RGS6: variants seen among roughly 807,000 people sequenced by gnomAD.
RGS6 encodes regulator of G-protein signaling 6.
RGS6 carries 30 observed loss-of-function variants against 78.5 expected under a neutral mutation model. That is an observed-to-expected ratio of 0.38 (90% CI 0.29 to 0.52). The LOEUF is 0.52. Ranked by LOEUF, RGS6 falls within the 20% of genes least tolerant of loss-of-function variation. RGS6 has a pLI of 0.85. For synonymous variants in RGS6, 206 were observed against 206.0 expected, an observed-to-expected ratio of 1.00 and a Z score of 0.00; for missense variants, 495 against 609.7, an observed-to-expected ratio of 0.81 and a Z score of 1.98.
chr14:72,131,755 G>T (rs946189248), intron 2 of RGS6, among the ~76,000 whole-genome samples: 1 of 152,182 alleles, frequency 6.6e-6, no homozygotes, highest in Non-Finnish European at 1.5e-5. Context: ...AAAGGTTGAA[G>T]CATTCCCTTC....
chr14:72,102,584 A>C (rs2095549827), intron 2 of RGS6, among the ~76,000 whole-genome samples: 1 of 152,194 alleles, frequency 6.6e-6, no homozygotes, highest in African/African-American at 2.4e-5. Context: ...ACTCAAGGGC[A>C]TGTAGCTGCT....
At chr14:72,569,368 A>C (rs1269852297), downstream of RGS6, among the ~76,000 whole-genome samples, 1 of 151,874 alleles carries the variant, frequency 6.6e-6, no homozygotes, top group Non-Finnish European at 1.5e-5. Context: ...CTGACCCTGT[A>C]GTTTTGCCTT....
chr14:72,119,758 C>T (rs2096001651), intron 2 of RGS6, among the ~76,000 whole-genome samples: 1 of 152,132 alleles, frequency 6.6e-6, no homozygotes, highest in Non-Finnish European at 1.5e-5. Context: ...GCACAAGGAG[C>T]TCTGATGTGA....
At chr14:72,612,650 G>A in the RGS6 span, 169 of 517,632 alleles carry the variant, frequency 3.3e-4, no homozygotes, top group Admixed American at 1.9e-4. Flanking sequence ...GACATGGAAG[G>A]GCAAACCAAG....
At chr14:71,982,320 T>G (rs969941429) in intron 2 of RGS6, among the ~76,000 whole-genome samples, 1 of 152,178 alleles carries the variant, frequency 6.6e-6, no homozygotes, top group African/African-American at 2.4e-5. Flanking sequence ...CCTCCTTCTG[T>G]TTATTTTTTA....
chr14:71,995,661 C>G (rs943048833), intron 2 of RGS6, among the ~76,000 whole-genome samples: 5 of 152,184 alleles, frequency 3.3e-5, no homozygotes, highest in African/African-American at 1.2e-4. Context: ...TGGAACCTGA[C>G]ACGTAGCAGG....
intron 2 of RGS6, among the ~76,000 whole-genome samples, chr14:72,309,408 A>C (rs1445787002): frequency 6.6e-6 from 1 of 152,238 alleles, no homozygotes; most frequent in Non-Finnish European, 1.5e-5. Context: ...TTAAATGTCC[A>C]TTTAATGCAT....
At chr14:72,511,047 G>T (rs2153448513) in intron 14 of RGS6, among the ~76,000 whole-genome samples, 1 of 152,278 alleles carries the variant, frequency 6.6e-6, no homozygotes, top group South Asian at 2.1e-4. Flanking sequence ...TTGGGAACTT[G>T]TTTATTTAGA....
intron 2 of RGS6, among the ~76,000 whole-genome samples, chr14:72,337,603 G>A (rs115986988): frequency 0.011 from 1,628 of 152,234 alleles, 25 homozygotes; most frequent in African/African-American, 0.038. Context: ...ACAGCCACAG[G>A]CCATCTCCCT....
At position 72,154,542 on chromosome 14, in the gene RGS6, A is replaced by C. The variant is rs181343923; in HGVS notation, c.84+189667A>C. On this transcript the variant is annotated intron_variant, in intron 2 of 17. Transcript: ENST00000553525. The stretch of plus-strand genomic sequence containing the variant: ...CCCTGACTTCCAACAGCTGGGGACC[A>C]CTTAATCAGGGTAAGGGCAGTAGTT... Among the ~76,000 whole-genome samples the C allele has an allele frequency of 1.8e-4, 28 of 152,276 alleles. No homozygotes were observed. In the East Asian group the frequency reaches 5.4e-3, roughly 29 times the overall value.
the RGS6 span, among the ~76,000 whole-genome samples, chr14:72,588,150 G>A: frequency 6.6e-6 from 1 of 152,156 alleles, no homozygotes; most frequent in Admixed American, 6.5e-5. Context: ...ATAATATTGG[G>A]ACGAGCTCTC....
At chr14:72,497,760 A>G (rs2096664041) in intron 13 of RGS6, among the ~76,000 whole-genome samples, 1 of 152,088 alleles carries the variant, frequency 6.6e-6, no homozygotes, top group Non-Finnish European at 1.5e-5. Flanking sequence ...CTTCTTTCTA[A>G]TATTTCTGAT....
chr14:72,079,500 A>G (rs1300866224), intron 2 of RGS6, among the ~76,000 whole-genome samples: 1 of 152,224 alleles, frequency 6.6e-6, no homozygotes, highest in African/African-American at 2.4e-5. Context: ...TAAGCTAATT[A>G]ACACATGCCT....
intron 2 of RGS6, among the ~76,000 whole-genome samples, chr14:72,109,062 A>T (rs1262854575): frequency 6.6e-6 from 1 of 150,480 alleles, no homozygotes; most frequent in African/African-American, 2.4e-5. Flanking sequence ...TTTTTATGTA[A>T]TTTTTTTTAA....
At chr14:72,479,138 C>T (rs563486194) in intron 12 of RGS6, among the ~76,000 whole-genome samples, 3 of 152,312 alleles carry the variant, frequency 2.0e-5, no homozygotes, top group Admixed American at 6.5e-5. Context: ...CCAGCTCCTA[C>T]AGGGGGCTGG....
Position 72,354,104 on chromosome 14 carries a change from A to G in RGS6, c.184+1910A>G, listed in dbSNP as rs1464364184. 2.0e-5 allele frequency among the ~76,000 whole-genome samples: 3 copies of G among 152,206 alleles called. No individual in the cohort carries two copies. The East Asian group carries it at 5.8e-4, about 29-fold the overall frequency. ...TAGACCCAGTTGAAGTAAGTATCCC[A>G]GCTCATTATTGAGACTGTCACTCTT... On this transcript the variant is annotated intron_variant, in intron 3 of 17. Transcript: ENST00000553525.
chr14:72,544,180 G>T (rs1217901673), intron 17 of RGS6, among the ~76,000 whole-genome samples: 14 of 152,240 alleles, frequency 9.2e-5, no homozygotes, highest in Admixed American at 9.2e-4. Flanking sequence ...TCGGGGCCAA[G>T]CCACAGCAGC....
chr14:72,316,704 G>C (rs1284661496), intron 2 of RGS6, among the ~76,000 whole-genome samples: 1 of 152,160 alleles, frequency 6.6e-6, no homozygotes, highest in East Asian at 1.9e-4. Flanking sequence ...GCCCTAGGCT[G>C]CCTGCCATTG....
At chr14:72,448,331 C>T (rs1341068988) in intron 3 of RGS6, among the ~76,000 whole-genome samples, 2 of 152,192 alleles carry the variant, frequency 1.3e-5, no homozygotes, top group Non-Finnish European at 2.9e-5. Flanking sequence ...ATTGACCAAA[C>T]AATACTACTT....
Sources: gnomAD v4.1 joint callset for allele counts (sites outside exome capture counted in the v4.1 genomes callset) on GRCh38, gnomAD v4.1.1 for gene constraint, MANE v1.5 for transcripts, NCBI Gene and HGNC (gene_info 2026-07-23, HGNC 2026-07-21) for gene names.